CDH23: variants seen among roughly 807,000 people sequenced by gnomAD.
The protein encoded by CDH23 is cadherin-23.
Under a neutral mutation model 317.1 loss-of-function variants are expected in CDH23, and 189 were observed. The ratio of observed to expected loss-of-function variants is 0.60; its 90% CI spans 0.53 to 0.67. CDH23 has a LOEUF of 0.67. Ranked by LOEUF, CDH23 falls within the 30% of genes least tolerant of loss-of-function variation. The probability of loss-of-function intolerance (pLI) is 0.00; values close to 1 mark genes in which losing one functional copy is unlikely to be tolerated. For missense variants in CDH23, 4,401 were observed against 4,592.4 expected (o/e 0.96, Z 1.20); for synonymous variants, 1,839 against 1,876.8 (o/e 0.98, Z 0.52).
At chr10:71,570,507 C>T (rs902783314) in intron 7 of CDH23, among the ~76,000 whole-genome samples, 2 of 152,210 alleles carry the variant, frequency 1.3e-5, no homozygotes, top group African/African-American at 4.8e-5. Context: ...TGTACCCCAG[C>T]CCTGCTTTGT....
chr10:71,789,173 T>C, intron 45 of CDH23, 131 bp downstream of exon 45: 2 of 602,810 alleles, frequency 3.3e-6, no homozygotes, highest in South Asian at 4.0e-5. Context: ...AGGGGAAGGA[T>C]GGGTGCAGCT....
intron 38 of CDH23, among the ~76,000 whole-genome samples, chr10:71,770,221 T>C (rs1232100418): frequency 6.6e-6 from 1 of 152,262 alleles, no homozygotes; most frequent in Non-Finnish European, 1.5e-5. Context: ...TACACAGTAT[T>C]CACGAGGAGC....
intron 27 of CDH23, among the ~76,000 whole-genome samples, chr10:71,710,474 C>T (rs1865932216): frequency 6.6e-6 from 1 of 152,218 alleles, no homozygotes. Flanking sequence ...AAGACAGTGC[C>T]TAGTGGCCAG....
At position 71,646,623 on chromosome 10, in the gene CDH23, T is replaced by A; in HGVS notation, c.1449+6T>A. The stretch of plus-strand genomic sequence containing the variant: ...CCTCTGTGCTGACAGTCCTGGTGAG[T>A]CCCCGCTTCACTGCAGGGCCACTGA... On this transcript the variant is annotated splice_donor_region_variant and intron_variant, in intron 14 of 69. Coordinates refer to ENST00000224721, the MANE Select transcript of CDH23 (RefSeq NM_022124.6). 6.2e-7 allele frequency: 1 copy of A among 1,613,864 alleles called. No homozygotes were observed. The highest frequency in any genetic ancestry group is 8.5e-7 in the Non-Finnish European group (1 of 1,179,844).
chr10:71,576,046 G>A (rs1382387570), intron 8 of CDH23, among the ~76,000 whole-genome samples: 2 of 152,312 alleles, frequency 1.3e-5, no homozygotes, highest in African/African-American at 2.4e-5. Flanking sequence ...CTGGAGAACC[G>A]ACTGGCCTCC....
At chr10:71,603,615 G>T (rs189738832) in intron 9 of CDH23, among the ~76,000 whole-genome samples, 106 of 152,238 alleles carry the variant, frequency 7.0e-4, no homozygotes, top group African/African-American at 2.4e-3. Context: ...CAGGCAGCAG[G>T]GGGGGCCTCC....
At position 71,789,022 on chromosome 10, in the gene CDH23, T is replaced by C. The variant is rs1185487315; in HGVS notation, c.5903T>C (p.Val1968Ala). 1.9e-6 allele frequency: 3 copies of C among 1,583,800 alleles called. No homozygotes were observed. Among genetic ancestry groups the C allele is most frequent in the South Asian group, 2.2e-5 (2 of 90,424 alleles). The change falls in exon 45 of 70, where the codon GTG (valine) becomes GCG (alanine). Residue 1968 changes from valine (V) to alanine (A), a missense_variant. By Grantham distance (64) the Val-to-Ala change is moderately conservative. Transcript: ENST00000224721. ...ACTAAAAGCACCTACCAGGCAGAGG[T>C]GATGGAAAACTCTCCCGCTGGTAGG... ...LFTKSTYQAEVMENSPAGTPL... is the reference protein window; with the variant it reads ...LFTKSTYQAEAMENSPAGTPL...
At chr10:71,806,138 TTTCCTC>T (rs1333499805) in intron 56 of CDH23, 24 bp from the exon 57 acceptor site, 1 of 1,545,042 alleles carries the variant, frequency 6.5e-7, no homozygotes, top group South Asian at 1.2e-5. Flanking sequence ...CTCCCAGTCT[TTTCCTC>T]TGACTGTGCT....
chr10:71,664,048 A>C (rs1412743665), intron 14 of CDH23, among the ~76,000 whole-genome samples: 2 of 150,474 alleles, frequency 1.3e-5, no homozygotes, highest in African/African-American at 2.4e-5. Flanking sequence ...AGTGCCTTGC[A>C]CAGTGCCAGG....
chr10:71,686,340 T>C (rs1864895476), intron 18 of CDH23, among the ~76,000 whole-genome samples: 1 of 152,036 alleles, frequency 6.6e-6, no homozygotes, highest in African/African-American at 2.4e-5. Context: ...GCTGGGGCAT[T>C]GGACATCAGG....
intron 6 of CDH23, among the ~76,000 whole-genome samples, chr10:71,539,975 A>G (rs1362186680): frequency 1.3e-5 from 2 of 152,118 alleles, no homozygotes; most frequent in Non-Finnish European, 1.5e-5. Context: ...GCAGGGAGCA[A>G]GTTGGCTTCA....
At chr10:71,563,933 G>C (rs1857261983) in intron 6 of CDH23, among the ~76,000 whole-genome samples, 1 of 152,022 alleles carries the variant, frequency 6.6e-6, no homozygotes, top group African/African-American at 2.4e-5. Context: ...ATTTTTAGTA[G>C]AGACGGGGTT....
At chr10:71,625,414 A>AC (rs1861678107) in intron 11 of CDH23, among the ~76,000 whole-genome samples, 1 of 142,532 alleles carries the variant, frequency 7.0e-6, no homozygotes, top group African/African-American at 2.6e-5. Context: ...AAAAAAAAAA[A>AC]AAAAAAAAAA....
intron 6 of CDH23, among the ~76,000 whole-genome samples, chr10:71,517,162 G>C (rs1051316175): frequency 6.6e-6 from 1 of 152,234 alleles, no homozygotes. Flanking sequence ...AAAGTACTTT[G>C]CTCGGCCAGC....
chr10:71,522,632 C>G (rs554799891), intron 6 of CDH23, among the ~76,000 whole-genome samples: 1 of 152,290 alleles, frequency 6.6e-6, no homozygotes, highest in African/African-American at 2.4e-5. Context: ...TCCGCCTATA[C>G]ATTGCACGCA....
At chr10:71,557,283 G>C (rs538305784) in intron 6 of CDH23, among the ~76,000 whole-genome samples, 1 of 152,258 alleles carries the variant, frequency 6.6e-6, no homozygotes, top group East Asian at 1.9e-4. Flanking sequence ...CTTAATGCTT[G>C]ATGTAGGGAG....
intron 9 of CDH23, among the ~76,000 whole-genome samples, chr10:71,610,469 A>G (rs1860808085): frequency 6.6e-6 from 1 of 152,194 alleles, no homozygotes; most frequent in Non-Finnish European, 1.5e-5. Context: ...AGAAAAAGAA[A>G]TGTAAATCTA....
At chr10:71,627,075 G>A (rs1190235459) in intron 11 of CDH23, among the ~76,000 whole-genome samples, 1 of 152,166 alleles carries the variant, frequency 6.6e-6, no homozygotes, top group African/African-American at 2.4e-5. Flanking sequence ...ACACAAAACA[G>A]TGTCCACACA....
intron 41 of CDH23, among the ~76,000 whole-genome samples, chr10:71,779,789 AC>A (rs1840907728): frequency 6.6e-6 from 1 of 152,240 alleles, no homozygotes; most frequent in Non-Finnish European, 1.5e-5. Flanking sequence ...CGTGCAGAAC[AC>A]AGCCCCCGCC....
Sources: gnomAD v4.1 joint callset for allele counts (sites outside exome capture counted in the v4.1 genomes callset) on GRCh38, gnomAD v4.1.1 for gene constraint, MANE v1.5 for transcripts, NCBI Gene and HGNC (gene_info 2026-07-23, HGNC 2026-07-21) for gene names.